Variants in USP44 observed in about 807,000 individuals in gnomAD.
USP44 encodes the protein ubiquitin specific peptidase 44, also known as ubiquitin carboxyl-terminal hydrolase 44.
A neutral mutation model predicts 69.0 loss-of-function variants in USP44; 61 were observed. The observed-to-expected ratio is 0.88, with a 90% CI of 0.72 to 1.09. USP44 has a LOEUF of 1.09. USP44 is among the 50% of genes least tolerant of loss of function. USP44 has a pLI of 0.00. For synonymous variants in USP44, 297 were observed against 295.4 expected, an observed-to-expected ratio of 1.01 and a Z score of -0.06; for missense variants, 753 against 849.9, an observed-to-expected ratio of 0.89 and a Z score of 1.42.
chr12:95,550,843 T>C (rs2077712108), intron 1 of USP44, among the ~76,000 whole-genome samples: 1 of 152,080 alleles, frequency 6.6e-6, no homozygotes, highest in African/African-American at 2.4e-5. Flanking sequence ...CTGAATAGTG[T>C]CTTCAATAAA....
chr12:95,542,407 C>T (rs2077418363), intron 1 of USP44, among the ~76,000 whole-genome samples: 2 of 152,234 alleles, frequency 1.3e-5, no homozygotes, highest in African/African-American at 4.8e-5. Context: ...TTTCAGGCTA[C>T]CAAATTCTTG....
At position 95,534,186 on chromosome 12, in the gene USP44, G is replaced by A. The variant is rs777587905; in HGVS notation, c.71C>T (p.Pro24Leu). Residue 24 changes from proline to leucine, a missense_variant, in exon 2 of 6, where the codon CCT becomes CTT. Transcript: ENST00000258499. ...QLAQDHSSLN[P>L]QKWHCVDCNT... Reference sequence around the variant, plus strand: ...GCAGTCCACACAGTGCCATTTCTGAGGGTTGAGGCTGGAATGGTCTTGAGC... The same window carrying A: ...GCAGTCCACACAGTGCCATTTCTGAAGGTTGAGGCTGGAATGGTCTTGAGC... The A allele has an allele frequency of 2.5e-6, 4 of 1,614,118 alleles. No homozygotes were observed. In the East Asian group the frequency reaches 8.9e-5, roughly 36 times the overall value.
intron 1 of USP44, among the ~76,000 whole-genome samples, chr12:95,547,301 C>T (rs988072450): frequency 3.3e-5 from 5 of 152,116 alleles, no homozygotes; most frequent in African/African-American, 1.2e-4. Context: ...GTGATAAATA[C>T]TGGACTGAAA....
At chr12:95,537,095 G>A (rs1255502248) in intron 1 of USP44, among the ~76,000 whole-genome samples, 2 of 152,174 alleles carry the variant, frequency 1.3e-5, no homozygotes, top group Admixed American at 6.5e-5. Context: ...GAGACTAGCA[G>A]TCCAGAAATT....
At chr12:95,527,857 TTGAGACAGAG>T in intron 3 of USP44, among the ~76,000 whole-genome samples, 2 of 148,646 alleles carry the variant, frequency 1.3e-5, no homozygotes, top group Admixed American at 6.7e-5. Context: ...TTTTTTTTTT[TTGAGACAGAG>T]TTTCACTCTT....
In USP44 at chr12:95,520,994, T is replaced by C. The variant is rs769415309; in HGVS notation, c.1939+3A>G. 1 of 1,614,066 alleles carries C rather than the reference T, an allele frequency of 6.2e-7. No homozygotes were observed. The highest frequency in any genetic ancestry group is 1.1e-5 in the South Asian group (1 of 91,086). On this transcript the variant is annotated splice_donor_region_variant and intron_variant, in intron 5 of 5. Coordinates refer to ENST00000258499, the MANE Select transcript of USP44 (RefSeq NM_032147.5). ...AAGATAAAATACTTTTTCTTATCTA[T>C]ACCTCCTTCAGAATTATAGCAGTAG... is the stretch of plus-strand genomic sequence containing the variant.
At chr12:95,524,879 G>C in intron 3 of USP44, 91 bp from the exon 4 acceptor site, 1 of 1,164,710 alleles carries the variant, frequency 8.6e-7, no homozygotes, top group Non-Finnish European at 1.2e-6. Context: ...AGTCAGAAAT[G>C]AAAAGTATGT....
Position 95,516,896 on chromosome 12 carries a change from A to G in USP44, c.*1258T>C, listed in dbSNP as rs2076487326. 6.6e-6 allele frequency: 1 copy of G among 152,124 alleles called. No homozygotes were observed. Among genetic ancestry groups the G allele is most frequent in the African/African-American group, 2.4e-5 (1 of 41,382 alleles). The allele number at this position is 152,124 out of a possible 1,614,324, so 9.4% of individuals were successfully genotyped here. On this transcript the variant is annotated 3_prime_UTR_variant, in exon 6 of 6. Transcript: ENST00000258499. ...CCTGCAAATAAACCCACTTATAAAAAAGGGATACATGATCTTCCTGTGGTT... is the reference window on the plus strand; with the variant it reads ...CCTGCAAATAAACCCACTTATAAAAGAGGGATACATGATCTTCCTGTGGTT...
In USP44 at chr12:95,533,891, G is replaced by T; in HGVS notation, c.366C>A (p.Ser122=). The change falls in exon 2 of 6, where the codon TCC becomes TCA. Residue 122 remains serine, a synonymous_variant. Transcript: ENST00000258499. ...CTTRSGRFLR[S]MGTGDDSYFL... ...AATAAGAATCATCACCTGTACCCAT[G>T]GACCGTAAAAACCTCCCACTACGAG... 2 of 1,614,068 alleles carry T rather than the reference G, an allele frequency of 1.2e-6. No individual in the cohort carries two copies. Among genetic ancestry groups the T allele is most frequent in the Admixed American group, 3.3e-5 (2 of 59,994 alleles).
intron 4 of USP44, among the ~76,000 whole-genome samples, chr12:95,521,671 G>C: frequency 6.6e-6 from 1 of 152,060 alleles, no homozygotes; most frequent in East Asian, 1.9e-4. Context: ...TTTAGTAGTA[G>C]AGACAGGACT....
Position 95,533,270 on chromosome 12 carries a change from T to C in USP44, c.987A>G (p.Thr329=), listed in dbSNP as rs201597304. 8 of 1,614,066 alleles carry C rather than the reference T, an allele frequency of 5.0e-6. No individual in the cohort carries two copies. The African/African-American group carries it at 8.0e-5, about 16-fold the overall frequency. Residue 329 remains threonine, a synonymous_variant, in exon 2 of 6, where the codon ACA becomes ACG. Coordinates refer to ENST00000258499, the MANE Select transcript of USP44 (RefSeq NM_032147.5). The stretch of plus-strand genomic sequence containing the variant: ...GACATTCATTCATTTGATATACTAC[T>C]GTATCTGTGACTGGTGGATGCTTAC... ...RSCKHPPVTD[T]VVYQMNECQE... is the part of the protein sequence containing the mutation.
Position 95,518,281 on chromosome 12 carries a change from T to A in USP44, c.2012A>T (p.Tyr671Phe), listed in dbSNP as rs775426446. The change falls in exon 6 of 6, where the codon TAT becomes TTT. Residue 671 changes from tyrosine (Y) to phenylalanine (F), a missense_variant. Transcript: ENST00000258499. ...AACTCGTTGGGTATAAAACAAGATA[T>A]AAGCTTGAGCCTTGCATACTTCATC... ...TMDEVCKAQAYILFYTQRVTE... is the reference protein window; with the variant it reads ...TMDEVCKAQAFILFYTQRVTE... The A allele has an allele frequency of 3.0e-5, 48 of 1,614,064 alleles. No individual in the cohort carries two copies. In the Admixed American group the frequency reaches 7.8e-4, roughly 26 times the overall value.
chr12:95,546,365 A>G (rs2077571118), intron 1 of USP44: 11 of 152,250 alleles, frequency 7.2e-5, no homozygotes. Context: ...TCCATTAAAA[A>G]TGAATTCTTC....
intron 2 of USP44, among the ~76,000 whole-genome samples, chr12:95,531,526 A>T (rs974836874): frequency 2.0e-5 from 3 of 152,210 alleles, no homozygotes; most frequent in African/African-American, 4.8e-5. Flanking sequence ...ACTCTGTAAC[A>T]GTGTATTTTA....
intron 5 of USP44, among the ~76,000 whole-genome samples, chr12:95,518,633 A>T (rs2076551674): frequency 1.3e-5 from 2 of 152,124 alleles, no homozygotes; most frequent in Admixed American, 6.5e-5. Context: ...ATCATACAGG[A>T]TGATCATCCC....
intron 2 of USP44, among the ~76,000 whole-genome samples, chr12:95,532,217 G>T (rs1278387517): frequency 6.8e-6 from 1 of 147,546 alleles, no homozygotes; most frequent in African/African-American, 2.5e-5. Flanking sequence ...ACCCAGGCTG[G>T]AGTGCAGTGG....
intron 1 of USP44, among the ~76,000 whole-genome samples, chr12:95,537,357 C>T (rs1055102442): frequency 9.2e-5 from 14 of 152,148 alleles, no homozygotes; most frequent in African/African-American, 2.2e-4. Context: ...CTCACTCTGT[C>T]GCCCAGGCTG....
chr12:95,535,213 C>A (rs1042721897), intron 1 of USP44, among the ~76,000 whole-genome samples: 3 of 152,164 alleles, frequency 2.0e-5, no homozygotes, highest in Non-Finnish European at 4.4e-5. Context: ...ATCATACCAA[C>A]TTCAATTGAG....
chr12:95,534,171 CAG>C lies in USP44; in HGVS notation c.84_85del (p.His28GlnfsTer15), dbSNP rs1427740383. 19 of 1,614,064 alleles carry C rather than the reference CAG, an allele frequency of 1.2e-5. No homozygotes were observed. In the Admixed American group the frequency reaches 3.0e-4, roughly 25 times the overall value. ...GGACTCGGTCGTGTTGCAGTCCACA[CAG>C]TGCCATTTCTGAGGGTTGAGGCTGG... On this transcript the variant is annotated frameshift_variant, in exon 2 of 6. Coordinates refer to ENST00000258499, the MANE Select transcript of USP44 (RefSeq NM_032147.5). LOFTEE classifies it high-confidence loss of function.
Sources: gnomAD v4.1 joint callset for allele counts (sites outside exome capture counted in the v4.1 genomes callset) on GRCh38, gnomAD v4.1.1 for gene constraint, MANE v1.5 for transcripts, NCBI Gene and HGNC (gene_info 2026-07-23, HGNC 2026-07-21) for gene names.